Variants in ADGRL4 observed in about 807,000 individuals in gnomAD.
ADGRL4 encodes the protein EGF, latrophilin and seven transmembrane domain containing 1.
In ADGRL4, 90 loss-of-function variants were observed where a neutral mutation model predicts 74.8. That is an observed-to-expected ratio of 1.20 (90% CI 1.02 to 1.43). ADGRL4 has a LOEUF of 1.43. ADGRL4 is among the 40% of genes most tolerant of loss of function. The pLI, the probability that ADGRL4 is intolerant of heterozygous loss-of-function variation, is 0.00. For synonymous variants in ADGRL4, 311 were observed against 279.2 expected (o/e 1.11, Z -1.14); for missense variants, 881 against 814.3 (o/e 1.08, Z -1.00).
intron 2 of ADGRL4, among the ~76,000 whole-genome samples, chr1:78,977,746 T>C (rs1236368343): frequency 6.6e-6 from 1 of 151,780 alleles, no homozygotes; most frequent in Admixed American, 6.6e-5. Context: ...TTTTTTTTCA[T>C]CTGGCACTAC....
intron 12 of ADGRL4, among the ~76,000 whole-genome samples, chr1:78,916,710 C>G (rs1474252684): frequency 1.3e-5 from 2 of 151,682 alleles, no homozygotes; most frequent in Non-Finnish European, 2.9e-5. Context: ...ATAAAAAACT[C>G]AAAGGAAAGA....
chr1:78,969,495 C>CA (rs758220232), intron 2 of ADGRL4, among the ~76,000 whole-genome samples: 2 of 152,124 alleles, frequency 1.3e-5, no homozygotes, highest in Admixed American at 6.5e-5. Context: ...CAGGATCACC[C>CA]AACTCACAGA....
At chr1:78,983,196 A>G (rs533415556) in intron 2 of ADGRL4, among the ~76,000 whole-genome samples, 17 of 151,962 alleles carry the variant, frequency 1.1e-4, no homozygotes, top group African/African-American at 4.1e-4. Flanking sequence ...ACACATAAGG[A>G]GTGCCAAAAT....
chr1:78,936,215 C>G (rs1214764908), intron 7 of ADGRL4, 80 bp downstream of exon 7: 1 of 1,396,616 alleles, frequency 7.2e-7, no homozygotes, highest in Non-Finnish European at 9.7e-7. Context: ...GTTACATGTA[C>G]ATATGACATA....
intron 12 of ADGRL4, among the ~76,000 whole-genome samples, chr1:78,917,186 C>T (rs934082331): frequency 2.6e-5 from 4 of 151,682 alleles, no homozygotes; most frequent in African/African-American, 9.7e-5. Context: ...GACCGATCAT[C>T]GATAAAAGAT....
At position 78,998,337 on chromosome 1, in the gene ADGRL4, C is replaced by T. The variant is rs1241998256; in HGVS notation, c.172+6733G>A. ...CTTGTACTTGACCTACGCATTTTAT[C>T]AAGATATTAAAACTTCCACTGATTC... On this transcript the variant is annotated intron_variant, in intron 2 of 14. Coordinates refer to ENST00000370742, the MANE Select transcript of ADGRL4 (RefSeq NM_022159.4). Among the ~76,000 whole-genome samples, 5 of 132,332 alleles carry T rather than the reference C, an allele frequency of 3.8e-5. No individual in the cohort carries two copies. In the Admixed American group the frequency reaches 3.9e-4, roughly 10 times the overall value. 86.8% of individuals were successfully genotyped at this position (132,332 alleles called of 152,430 possible).
intron 12 of ADGRL4, among the ~76,000 whole-genome samples, chr1:78,893,597 G>A (rs1648334035): frequency 6.6e-6 from 1 of 151,826 alleles, no homozygotes; most frequent in Non-Finnish European, 1.5e-5. Flanking sequence ...AAAATTGAAA[G>A]ATTGAAAAGA....
At chr1:78,965,714 A>G (rs1342704592) in intron 2 of ADGRL4, among the ~76,000 whole-genome samples, 1 of 152,202 alleles carries the variant, frequency 6.6e-6, no homozygotes, top group East Asian at 1.9e-4. Flanking sequence ...AGGCCAGTAA[A>G]TTAACTCTGT....
chr1:78,897,399 C>A (rs1246869998), intron 12 of ADGRL4, among the ~76,000 whole-genome samples: 1 of 152,126 alleles, frequency 6.6e-6, no homozygotes, highest in Non-Finnish European at 1.5e-5. Flanking sequence ...GATATTTGCT[C>A]ACCCTGGCTT....
At chr1:78,901,681 A>G (rs1441923861) in intron 12 of ADGRL4, among the ~76,000 whole-genome samples, 2 of 152,234 alleles carry the variant, frequency 1.3e-5, no homozygotes, top group Non-Finnish European at 2.9e-5. Flanking sequence ...CAAAATTCAC[A>G]GCAAGTATGA....
intron 2 of ADGRL4, among the ~76,000 whole-genome samples, chr1:78,961,804 C>A (rs1249481234): frequency 6.6e-6 from 1 of 151,918 alleles, no homozygotes; most frequent in African/African-American, 2.4e-5. Flanking sequence ...CCTTTGTTAC[C>A]TTCTCTGTTA....
At chr1:78,966,231 G>A (rs1189742859) in intron 2 of ADGRL4, among the ~76,000 whole-genome samples, 3 of 152,164 alleles carry the variant, frequency 2.0e-5, no homozygotes, top group African/African-American at 7.2e-5. Flanking sequence ...CTGTTCTGGG[G>A]TGTGGTACCC....
intron 2 of ADGRL4, among the ~76,000 whole-genome samples, chr1:78,975,672 G>T (rs1385168208): frequency 6.6e-6 from 1 of 151,920 alleles, no homozygotes; most frequent in East Asian, 1.9e-4. Flanking sequence ...TGCCTCAATA[G>T]TATGCATTTG....
intron 2 of ADGRL4, among the ~76,000 whole-genome samples, chr1:78,947,468 G>T (rs958387345): frequency 6.6e-6 from 1 of 152,140 alleles, no homozygotes; most frequent in Non-Finnish European, 1.5e-5. Context: ...GGCAAGGAAG[G>T]ATTCTTCCCT....
At chr1:79,002,339 G>A (rs931966288) in intron 2 of ADGRL4, among the ~76,000 whole-genome samples, 3 of 152,056 alleles carry the variant, frequency 2.0e-5, no homozygotes, top group Non-Finnish European at 4.4e-5. Context: ...ACCATACAAC[G>A]TTTTGAAAAA....
chr1:78,992,177 A>G (rs1650619418), intron 2 of ADGRL4, among the ~76,000 whole-genome samples: 1 of 152,060 alleles, frequency 6.6e-6, no homozygotes, highest in African/African-American at 2.4e-5. Context: ...TTCATGGCAA[A>G]TAAAGGACCA....
chr1:78,903,152 A>T (rs1355571568), intron 12 of ADGRL4, among the ~76,000 whole-genome samples: 1 of 152,170 alleles, frequency 6.6e-6, no homozygotes, highest in African/African-American at 2.4e-5. Flanking sequence ...GATCTGAGCC[A>T]TTCTGAAGGC....
chr1:78,983,157 G>T (rs1472013), intron 2 of ADGRL4, among the ~76,000 whole-genome samples: 1 of 151,812 alleles, frequency 6.6e-6, no homozygotes, highest in African/African-American at 2.4e-5. Flanking sequence ...GTATAGAAAG[G>T]TCCTGTGCAC....
intron 3 of ADGRL4, among the ~76,000 whole-genome samples, chr1:78,942,984 T>A (rs1437306453): frequency 6.6e-6 from 1 of 152,126 alleles, no homozygotes; most frequent in African/African-American, 2.4e-5. Context: ...TCCATGTGTA[T>A]AATTAGCCAA....
Sources: gnomAD v4.1 joint callset for allele counts (sites outside exome capture counted in the v4.1 genomes callset) on GRCh38, gnomAD v4.1.1 for gene constraint, MANE v1.5 for transcripts, NCBI Gene and HGNC (gene_info 2026-07-23, HGNC 2026-07-21) for gene names.